Variants in CLIP1 observed in about 807,000 individuals in gnomAD.
CLIP1 encodes CAP-Gly domain containing linker protein 1, also known as CAP-Gly domain-containing linker protein 1.
A neutral mutation model predicts 161.6 loss-of-function variants in CLIP1; 66 were observed. The observed-to-expected ratio is 0.41, with a 90% CI of 0.33 to 0.50. The LOEUF (loss-of-function observed/expected upper bound fraction) is 0.50. Ranked by LOEUF, CLIP1 falls within the 20% of genes least tolerant of loss-of-function variation. CLIP1 has a pLI of 0.27. For missense variants in CLIP1, 1,376 were observed against 1,702.0 expected, an observed-to-expected ratio of 0.81 and a Z score of 3.37; for synonymous variants, 598 against 626.2, an observed-to-expected ratio of 0.96 and a Z score of 0.67.
intron 23 of CLIP1, 86 bp from the exon 24 acceptor site, chr12:122,278,289 G>T (rs1428865213): frequency 4.2e-5 from 52 of 1,244,804 alleles, no homozygotes; most frequent in Non-Finnish European, 5.6e-5. Flanking sequence ...CAGTGAAAGG[G>T]CCTGTGTTCA....
chr12:122,347,561 G>A (rs916697259), intron 9 of CLIP1, 82 bp from the exon 10 acceptor site: 2 of 1,046,758 alleles, frequency 1.9e-6, no homozygotes, highest in Non-Finnish European at 3.0e-6. Context: ...GCGGCATGCA[G>A]GCTGAGCCAC....
chr12:122,309,798 C>T lies in CLIP1; in HGVS notation c.3558G>A (p.Leu1186=). The change falls in exon 20 of 26, where the codon CTG becomes CTA. Residue 1186 remains leucine, a synonymous_variant. Transcript: ENST00000620786. ...QEENVKLAEE[L]GRSRDEVTSH... ...TTGTGACTTCGTCCCTGCTTCTCCCCAGCTCCTCAGCAAGTTTAACGTTCT... is the reference window on the plus strand; with the variant it reads ...TTGTGACTTCGTCCCTGCTTCTCCCTAGCTCCTCAGCAAGTTTAACGTTCT... 1.2e-6 allele frequency: 2 copies of T among 1,613,304 alleles called. No individual in the cohort carries two copies. The highest frequency in any genetic ancestry group is 1.1e-5 in the South Asian group (1 of 91,040).
At chr12:122,294,032 C>G (rs1049559532) in intron 20 of CLIP1, among the ~76,000 whole-genome samples, 30 of 151,688 alleles carry the variant, frequency 2.0e-4, no homozygotes, top group Non-Finnish European at 3.5e-4. Flanking sequence ...GGCCTCTTCA[C>G]GAATTCAAAA....
chr12:122,411,372 C>T (rs1460559132), intron 1 of CLIP1, among the ~76,000 whole-genome samples: 1 of 152,200 alleles, frequency 6.6e-6, no homozygotes, highest in African/African-American at 2.4e-5. Context: ...GCCGAGATCA[C>T]GCCATTGCAC....
intron 1 of CLIP1, among the ~76,000 whole-genome samples, chr12:122,393,488 C>T (rs1467639393): frequency 1.3e-5 from 2 of 151,656 alleles, no homozygotes; most frequent in African/African-American, 2.4e-5. Context: ...GTTCTTACAA[C>T]TTATGTGTAC....
chr12:122,327,416 A>G (rs1951751416), intron 17 of CLIP1, among the ~76,000 whole-genome samples: 1 of 152,142 alleles, frequency 6.6e-6, no homozygotes, highest in African/African-American at 2.4e-5. Flanking sequence ...TTCCTTGTCA[A>G]TAAGCTCACA....
At position 122,347,398 on chromosome 12, in the gene CLIP1, G is replaced by A. The variant is rs1952801648; in HGVS notation, c.1483C>T (p.Gln495Ter). 6.2e-7 allele frequency: 1 copy of A among 1,612,938 alleles called. No homozygotes were observed. The highest frequency in any genetic ancestry group is 1.3e-5 in the African/African-American group (1 of 74,910). ...ACCCTAGTGTCTTCTAACTCCCTCT[G>A]GAGTTTGTCAGCTTTGGTCTTTTCA... ...LFEKTKADKLQRELEDTRVAT... is the reference protein window; with the variant it reads ...LFEKTKADKL Residue 495 changes from glutamine to a stop codon, truncating the protein, a stop_gained, in exon 10 of 26, where the codon CAG becomes TAG. Coordinates refer to ENST00000620786, the MANE Select transcript of CLIP1 (RefSeq NM_001247997.2). LOFTEE classifies it high-confidence loss of function.
Position 122,328,327 on chromosome 12 carries a change from G to C in CLIP1, c.2967C>G (p.Ser989Arg). 6.2e-7 allele frequency: 1 copy of C among 1,613,958 alleles called. No individual in the cohort carries two copies. Among genetic ancestry groups the C allele is most frequent in the Non-Finnish European group, 8.5e-7 (1 of 1,179,992 alleles). Residue 989 changes from serine (S) to arginine (R), a missense_variant, in exon 16 of 26, where the codon AGC (serine) becomes AGG (arginine). Ser to Arg is a moderately radical substitution (Grantham distance 110). Transcript: ENST00000620786. ...IEDMTVKAEQ[S>R]QQEAAKKHEE... is the part of the protein sequence containing the mutation. ...CATGCTTTTTAGCTGCTTCTTGCTG[G>C]CTCTGTTCAGCTTTGACAGTCATGT...
intron 9 of CLIP1, among the ~76,000 whole-genome samples, chr12:122,348,166 T>C (rs560259200): frequency 6.6e-6 from 1 of 152,130 alleles, no homozygotes; most frequent in East Asian, 1.9e-4. Flanking sequence ...CATTCCTACA[T>C]GTGATGGGGA....
rs1326081330 is a variant in CLIP1, at chr12:122,276,402, A to G, written c.3966+1752T>C. 3.9e-6 allele frequency: 5 copies of G among 1,289,024 alleles called. No individual in the cohort carries two copies. The East Asian group carries it at 2.8e-4, about 72-fold the overall frequency. The allele number at this position is 1,289,024 out of a possible 1,614,324, so 79.8% of individuals were successfully genotyped here. ...GGAAACCACACACACACACACACACACACGTGTGCACGCAAATTAGGAAAC... is the reference window on the plus strand; with the variant it reads ...GGAAACCACACACACACACACACACGCACGTGTGCACGCAAATTAGGAAAC... On this transcript the variant is annotated intron_variant, in intron 24 of 25. Coordinates refer to ENST00000620786, the MANE Select transcript of CLIP1 (RefSeq NM_001247997.2).
At chr12:122,292,167 A>T (rs1340264224) in intron 20 of CLIP1, among the ~76,000 whole-genome samples, 17 of 138,046 alleles carry the variant, frequency 1.2e-4, no homozygotes, top group African/African-American at 4.0e-4. Context: ...AATTTTTTGT[A>T]TTTTTTTTTT....
intron 4 of CLIP1, among the ~76,000 whole-genome samples, chr12:122,363,523 T>A (rs1326872832): frequency 6.6e-6 from 1 of 151,370 alleles, no homozygotes; most frequent in Non-Finnish European, 1.5e-5. Context: ...AATGGGGTTA[T>A]CCTTACGATG....
chr12:122,363,847 G>C, intron 4 of CLIP1, 136 bp downstream of exon 4: 1 of 1,169,298 alleles, frequency 8.6e-7, no homozygotes, highest in Non-Finnish European at 1.2e-6. Context: ...AAAAAAATTA[G>C]CAGATGGGTC....
In CLIP1 at chr12:122,315,640, C is replaced by CTT. The variant is rs150379952; in HGVS notation, c.3473+1107_3473+1108dup. ...ATTTCCATGCCAGACGGTTTGATTC[C>CTT]TTTTCTTTTTTTTTTTTTGAGATGG... On this transcript the variant is annotated intron_variant, in intron 19 of 25. Transcript: ENST00000620786. 3.0e-3 allele frequency among the ~76,000 whole-genome samples: 418 copies of CTT among 139,962 alleles called. 2 individuals carry two copies. Among genetic ancestry groups the CTT allele is most frequent in the Non-Finnish European group, 4.8e-3 (319 of 66,468 alleles). The allele number at this position is 139,962 out of a possible 152,430, so 91.8% of individuals were successfully genotyped here.
chr12:122,354,794 TATTAAG>T (rs1176659314), intron 6 of CLIP1: 1 of 576,824 alleles, frequency 1.7e-6, no homozygotes. Context: ...CTGAAACACA[TATTAAG>T]AGTAATCCAC....
chr12:122,355,376 T>C lies in CLIP1; in HGVS notation c.1006-64A>G, dbSNP rs1953285194. On this transcript the variant is annotated intron_variant, in intron 5 of 25. Transcript: ENST00000620786. This position sits in a 1 kb window ranked among gnomAD's most constrained non-coding sequence, Gnocchi z 4.1. Reference sequence around the variant, plus strand: ...TGTCAGAAAAGCGAGGGAGGCGCGATGCATGCATGGCGGGCATCTGCTCGG... The same window carrying C: ...TGTCAGAAAAGCGAGGGAGGCGCGACGCATGCATGGCGGGCATCTGCTCGG... 1 of 1,462,782 alleles carries C rather than the reference T, an allele frequency of 6.8e-7. No individual in the cohort carries two copies. The highest frequency in any genetic ancestry group is 1.2e-5 in the South Asian group (1 of 83,344). The allele number at this position is 1,462,782 out of a possible 1,614,324, so 90.6% of individuals were successfully genotyped here. A position where few individuals can be genotyped will look rare whatever the true frequency, so the allele number is the denominator to read the frequency against.
chr12:122,363,688 C>T (rs1020276341), intron 4 of CLIP1, among the ~76,000 whole-genome samples: 1 of 151,610 alleles, frequency 6.6e-6, no homozygotes, highest in African/African-American at 2.4e-5. Context: ...GAAGTCAACT[C>T]CTATCAAAAG....
intron 3 of CLIP1, among the ~76,000 whole-genome samples, chr12:122,366,966 G>A (rs568569051): frequency 7.2e-5 from 11 of 152,096 alleles, no homozygotes; most frequent in Admixed American, 4.6e-4. Context: ...AAATAAAGTC[G>A]GCCTCAATTT....
chr12:122,368,444 A>G (rs975898110), intron 3 of CLIP1, among the ~76,000 whole-genome samples: 1 of 152,310 alleles, frequency 6.6e-6, no homozygotes, highest in South Asian at 2.1e-4. Context: ...TACAAACAGG[A>G]AACAGAAACA....
Sources: gnomAD v4.1 joint callset for allele counts (sites outside exome capture counted in the v4.1 genomes callset) on GRCh38, gnomAD v4.1.1 for gene constraint, Gnocchi (gnomAD v3.1) non-coding constraint, MANE v1.5 for transcripts, NCBI Gene and HGNC (gene_info 2026-07-23, HGNC 2026-07-21) for gene names.